ASPA: variants seen among roughly 807,000 people sequenced by gnomAD.
ASPA encodes the protein aspartoacylase.
Under a neutral mutation model 29.6 loss-of-function variants are expected in ASPA, and 25 were observed. That is an observed-to-expected ratio of 0.85 (90% CI 0.62 to 1.18). The LOEUF (loss-of-function observed/expected upper bound fraction) is 1.18. Among genes scored for constraint, ASPA ranks in the 50% most tolerant of loss-of-function variants. The pLI is 0.00. For missense variants in ASPA, 333 were observed against 385.7 expected (o/e 0.86, Z 1.14); for synonymous variants, 131 against 130.3 (o/e 1.01, Z -0.04).
chr17:3,495,718 G>A (rs2073897976), intron 5 of ASPA, among the ~76,000 whole-genome samples: 2 of 152,066 alleles, frequency 1.3e-5, no homozygotes, highest in Admixed American at 6.6e-5. Flanking sequence ...ACAGGCTCAC[G>A]TCACCACACC....
intron 5 of ASPA, 68 bp downstream of exon 5, chr17:3,494,527 C>T: frequency 1.5e-6 from 2 of 1,307,674 alleles, no homozygotes; most frequent in South Asian, 1.2e-5. Flanking sequence ...AAGTTTATAG[C>T]TCATACAGCA....
chr17:3,499,263 C>T lies in ASPA; in HGVS notation c.*175C>T. On this transcript the variant is annotated 3_prime_UTR_variant, in exon 6 of 6. Coordinates refer to ENST00000263080, the MANE Select transcript of ASPA (RefSeq NM_000049.4). ...TTAATTAATATATCTTTAAAGATAT[C>T]ATATTTTATGTATGTAGCTTATTCA... The T allele has an allele frequency of 1.8e-6, 1 of 550,748 alleles. No homozygotes were observed. The highest frequency in any genetic ancestry group is 3.1e-6 in the Non-Finnish European group (1 of 322,990). 34.1% of individuals were successfully genotyped at this position (550,748 alleles called of 1,614,324 possible).
At chr17:3,474,899 G>A (rs146897178), upstream of ASPA, among the ~76,000 whole-genome samples, 204 of 152,278 alleles carry the variant, frequency 1.3e-3, no homozygotes, top group African/African-American at 4.6e-3. Context: ...TGGGTCTCAG[G>A]CCTAGGTTCT....
chr17:3,480,471 A>G (rs9901015), intron 1 of ASPA, among the ~76,000 whole-genome samples: 38,323 of 152,056 alleles, frequency 0.25, 5,183 homozygotes, highest in East Asian at 0.46. Context: ...ATCAGTTCCT[A>G]CGTGGGGACC....
At chr17:3,480,484 G>A (rs1229523403) in intron 1 of ASPA, among the ~76,000 whole-genome samples, 1 of 152,176 alleles carries the variant, frequency 6.6e-6, no homozygotes, top group Non-Finnish European at 1.5e-5. Flanking sequence ...TGGGGACCAC[G>A]AGACCAGATA....
At chr17:3,481,933 G>A (rs1478484370) in intron 2 of ASPA, 135 bp downstream of exon 2, 2 of 821,802 alleles carry the variant, frequency 2.4e-6, no homozygotes, top group African/African-American at 1.7e-5. Context: ...GCCAGGCTTG[G>A]TGGTTGGGGG....
Position 3,494,527 on chromosome 17 carries a change from C to G in ASPA, c.744+68C>G, listed in dbSNP as rs2073878536. The stretch of plus-strand genomic sequence containing the variant: ...TGTACCTTTGAATAGAAGTTTATAG[C>G]TCATACAGCACTTCGCGTACATTCG... On this transcript the variant is annotated intron_variant, in intron 5 of 5. Transcript: ENST00000263080. The G allele has an allele frequency of 4.6e-6, 6 of 1,307,674 alleles. No homozygotes were observed. In the East Asian group the frequency reaches 1.4e-4, roughly 30 times the overall value. 81.0% of individuals were successfully genotyped at this position (1,307,674 alleles called of 1,614,324 possible).
At chr17:3,489,492 C>A in intron 4 of ASPA, 150 bp downstream of exon 4, 1 of 622,774 alleles carries the variant, frequency 1.6e-6, no homozygotes. Flanking sequence ...CCAGGATAGA[C>A]ACATTCAAGA....
intron 1 of ASPA, among the ~76,000 whole-genome samples, chr17:3,477,923 C>G (rs1012018522): frequency 5.3e-5 from 8 of 151,860 alleles, no homozygotes; most frequent in African/African-American, 1.9e-4. Context: ...TGGCTCACAC[C>G]TGTAATCCCA....
rs2073998783 is a variant in ASPA at position 3,502,197 on chromosome 17, A to T, written c.*3109A>T. On this transcript the variant is annotated 3_prime_UTR_variant, in exon 6 of 6. Transcript: ENST00000263080. The stretch of plus-strand genomic sequence containing the variant: ...TCATGAATTGCTGAAAGCTCAAATG[A>T]TGGTTAGCTTTTTTAGCAATAAAGC... 6.6e-6 allele frequency: 1 copy of T among 152,252 alleles called. No homozygotes were observed. The highest frequency in any genetic ancestry group is 1.5e-5 in the Non-Finnish European group (1 of 68,034). The allele number at this position is 152,252 out of a possible 1,614,324, so 9.4% of individuals were successfully genotyped here.
intron 4 of ASPA, among the ~76,000 whole-genome samples, chr17:3,489,674 A>G (rs953413306): frequency 2.6e-5 from 4 of 152,240 alleles, no homozygotes; most frequent in Admixed American, 1.3e-4. Context: ...TCCCCCATTA[A>G]GTTGGGAAAA....
In ASPA at chr17:3,502,062, G is replaced by A. The variant is rs1018197018; in HGVS notation, c.*2974G>A. On this transcript the variant is annotated 3_prime_UTR_variant, in exon 6 of 6. Transcript: ENST00000263080. ...GAAAGGAAGAGTCAATCAATGCAGC[G>A]AACTTGTTGTTTTATTTTAAGAAAT... 1 of 152,130 alleles carries A rather than the reference G, an allele frequency of 6.6e-6. No homozygotes were observed. The highest frequency in any genetic ancestry group is 1.5e-5 in the Non-Finnish European group (1 of 68,044). The allele number at this position is 152,130 out of a possible 1,614,324, so 9.4% of individuals were successfully genotyped here.
Position 3,491,057 on chromosome 17 carries a change from T to C in ASPA, c.634+1715T>C, listed in dbSNP as rs537843224. 3.9e-5 allele frequency among the ~76,000 whole-genome samples: 6 copies of C among 152,278 alleles called. No individual in the cohort carries two copies. In the South Asian group the frequency reaches 1.0e-3, roughly 26 times the overall value. On this transcript the variant is annotated intron_variant, in intron 4 of 5. Transcript: ENST00000263080. ...GCCATGTGAAAAGTCTGAAGAAGTG[T>C]GTAGAAGGGCTTCATTCTTGACTCT...
At chr17:3,479,185 C>G (rs547622814) in intron 1 of ASPA, among the ~76,000 whole-genome samples, 2 of 152,258 alleles carry the variant, frequency 1.3e-5, no homozygotes, top group Non-Finnish European at 2.9e-5. Context: ...CTCACTCTTC[C>G]CTATTCTTCA....
chr17:3,497,274 T>G (rs2073924803), intron 5 of ASPA, among the ~76,000 whole-genome samples: 1 of 152,086 alleles, frequency 6.6e-6, no homozygotes, highest in Admixed American at 6.6e-5. Context: ...GGGGCAAGTC[T>G]CTGCCTGAAA....
In ASPA at chr17:3,481,259, G is replaced by A. The variant is rs758000087; in HGVS notation, c.237-344G>A. 5.9e-5 allele frequency among the ~76,000 whole-genome samples: 9 copies of A among 152,310 alleles called. No individual in the cohort carries two copies. The South Asian group carries it at 1.7e-3, about 28-fold the overall frequency. On this transcript the variant is annotated intron_variant, in intron 1 of 5. Transcript: ENST00000263080. ...CTAGTCCCATAATAAATAACCCAGTGTACCATAACTACTAAGAAACTGTTC... is the reference window on the plus strand; with the variant it reads ...CTAGTCCCATAATAAATAACCCAGTATACCATAACTACTAAGAAACTGTTC...
chr17:3,495,396 A>G (rs1356242655), intron 5 of ASPA, among the ~76,000 whole-genome samples: 1 of 152,220 alleles, frequency 6.6e-6, no homozygotes, highest in Non-Finnish European at 1.5e-5. Flanking sequence ...TGATTGATCC[A>G]GTTCCTATCC....
Position 3,481,615 on chromosome 17 carries a change from A to G in ASPA, c.249A>G (p.Ser83=), listed in dbSNP as rs778697611. The change falls in exon 2 of 6, where the codon TCA becomes TCG. Residue 83 remains serine (S), a synonymous_variant. Transcript: ENST00000263080. ...FDLENLGKKM[S]EDLPYEVRRA... is the part of the protein sequence containing the mutation. ...CTGCTTATAACAGCAAAAAAATGTC[A>G]GAAGATTTGCCATATGAAGTGAGAA... is the stretch of plus-strand genomic sequence containing the variant. 1 of 1,613,600 alleles carries G rather than the reference A, an allele frequency of 6.2e-7. No individual in the cohort carries two copies. The highest frequency in any genetic ancestry group is 8.5e-7 in the Non-Finnish European group (1 of 1,179,844).
chr17:3,476,103 A>G lies in ASPA; in HGVS notation c.-57A>G. On this transcript the variant is annotated 5_prime_UTR_variant, in exon 1 of 6. Transcript: ENST00000263080. The stretch of plus-strand genomic sequence containing the variant: ...TTCTAAACCTTTCTTAAGAAAATCG[A>G]ATTTCCTTTGATCTCTCTTCTGAAT... 6.6e-7 allele frequency: 1 copy of G among 1,519,142 alleles called. No homozygotes were observed. Among genetic ancestry groups the G allele is most frequent in the South Asian group, 1.1e-5 (1 of 88,834 alleles). The allele number at this position is 1,519,142 out of a possible 1,614,324, so 94.1% of individuals were successfully genotyped here.
Sources: allele counts gnomAD v4.1 joint callset (sites outside exome capture counted in the v4.1 genomes callset), GRCh38; gene constraint gnomAD v4.1.1; transcripts MANE v1.5; gene names NCBI Gene and HGNC (gene_info 2026-07-23, HGNC 2026-07-21).